The following GRM7 variants were observed in gnomAD, a reference collection of about 807,000 sequenced individuals.
GRM7 encodes the protein metabotropic glutamate receptor 7.
In GRM7, 35 loss-of-function variants were observed where a neutral mutation model predicts 84.5. That is an observed-to-expected ratio of 0.41 (90% CI 0.32 to 0.55). GRM7 has a LOEUF of 0.55. Among genes scored for constraint, GRM7 ranks in the 20% least tolerant of loss-of-function variants. GRM7 has a pLI of 0.19. For missense variants in GRM7, 1,003 were observed against 1,194.6 expected, an observed-to-expected ratio of 0.84 and a Z score of 2.36; for synonymous variants, 487 against 455.1, an observed-to-expected ratio of 1.07 and a Z score of -0.89.
intron 5 of GRM7, among the ~76,000 whole-genome samples, chr3:7,446,276 C>T (rs1490240531): frequency 6.6e-6 from 1 of 152,154 alleles, no homozygotes; most frequent in African/African-American, 2.4e-5. Context: ...TATTCACTCC[C>T]TTAAAACCAC....
chr3:6,954,976 A>G (rs1256678255), intron 1 of GRM7, among the ~76,000 whole-genome samples: 1 of 152,216 alleles, frequency 6.6e-6, no homozygotes, highest in East Asian at 1.9e-4. Context: ...GGTTAATAAT[A>G]TTCCCCTCCA....
At chr3:7,251,261 T>C (rs1397749952) in intron 2 of GRM7, among the ~76,000 whole-genome samples, 1 of 151,850 alleles carries the variant, frequency 6.6e-6, no homozygotes, top group African/African-American at 2.4e-5. Context: ...AGAATTTTAA[T>C]GCTTTCAATG....
intron 4 of GRM7, among the ~76,000 whole-genome samples, chr3:7,336,791 CA>C (rs1701437985): frequency 6.6e-6 from 1 of 151,562 alleles, no homozygotes; most frequent in Non-Finnish European, 1.5e-5. Context: ...ACCTCTTTCA[CA>C]ACAGCTGTAA....
intron 1 of GRM7, among the ~76,000 whole-genome samples, chr3:7,109,202 A>C (rs1692759582): frequency 6.6e-6 from 1 of 152,032 alleles, no homozygotes; most frequent in African/African-American, 2.4e-5. Context: ...CATTATGTCT[A>C]ATTGGAACCA....
chr3:7,389,230 G>T (rs760804560), intron 4 of GRM7, among the ~76,000 whole-genome samples: 10 of 152,100 alleles, frequency 6.6e-5, no homozygotes, highest in Non-Finnish European at 1.3e-4. Flanking sequence ...TTGCATTGTG[G>T]TCTGAAAAGA....
chr3:7,616,072 C>T (rs185111227), intron 8 of GRM7, among the ~76,000 whole-genome samples: 8 of 152,146 alleles, frequency 5.3e-5, no homozygotes, highest in African/African-American at 1.4e-4. Context: ...TAGCAGGCTA[C>T]TAGGAGAAGT....
intron 4 of GRM7, among the ~76,000 whole-genome samples, chr3:7,377,932 A>G (rs943157404): frequency 6.6e-6 from 1 of 152,186 alleles, no homozygotes; most frequent in African/African-American, 2.4e-5. Context: ...TATCTGTGGA[A>G]GCTGACACGG....
intron 7 of GRM7, among the ~76,000 whole-genome samples, chr3:7,527,325 T>G (rs147957123): frequency 5.7e-4 from 86 of 152,190 alleles, no homozygotes; most frequent in African/African-American, 1.9e-3. Context: ...GCTTTCAGCT[T>G]GAATGTTATT....
At chr3:7,661,813 A>AAAAAAAAAAAAAAAAAAAAAAAAAAC (rs1699463725) in intron 8 of GRM7, among the ~76,000 whole-genome samples, 1 of 146,030 alleles carries the variant, frequency 6.8e-6, no homozygotes. Context: ...AAAAAAAAAA[A>AAAAAAAAAAAAAAAAAAAAAAAAAAC]AAAAAAATGT....
At chr3:7,739,328 T>C (rs1559514437) in intron 9 of GRM7, among the ~76,000 whole-genome samples, 1 of 152,228 alleles carries the variant, frequency 6.6e-6, no homozygotes, top group African/African-American at 2.4e-5. Flanking sequence ...AAATTGTATA[T>C]GAATCCCTGC....
In GRM7 at chr3:7,384,804, G is replaced by A. The variant is rs560905370; in HGVS notation, c.1034-30219G>A. 7.9e-5 allele frequency among the ~76,000 whole-genome samples: 12 copies of A among 152,206 alleles called. No homozygotes were observed. In the South Asian group the frequency reaches 1.5e-3, roughly 18 times the overall value. The stretch of plus-strand genomic sequence containing the variant: ...CTCTACCTGGCTACAGAGAGATTGG[G>A]GAGCTTTTACAAGGGCATCTATCAG... On this transcript the variant is annotated intron_variant, in intron 4 of 9. Transcript: ENST00000357716.
At chr3:7,358,071 C>T (rs1447310758) in intron 4 of GRM7, among the ~76,000 whole-genome samples, 2 of 152,052 alleles carry the variant, frequency 1.3e-5, no homozygotes, top group East Asian at 1.9e-4. Flanking sequence ...TCCATTCCTC[C>T]TCCAACCCAT....
chr3:7,439,622 C>A (rs982592311), intron 5 of GRM7, among the ~76,000 whole-genome samples: 4 of 152,120 alleles, frequency 2.6e-5, no homozygotes, highest in Admixed American at 2.0e-4. Context: ...AGGAATAACC[C>A]CTGTATTATT....
chr3:7,656,352 C>T (rs374680230), intron 8 of GRM7, among the ~76,000 whole-genome samples: 228 of 151,838 alleles, frequency 1.5e-3, no homozygotes, highest in Non-Finnish European at 2.4e-3. Context: ...AAATATTAGC[C>T]GGGCATGGTG....
chr3:7,110,249 A>G (rs1415756007), intron 1 of GRM7, among the ~76,000 whole-genome samples: 1 of 152,114 alleles, frequency 6.6e-6, no homozygotes, highest in Non-Finnish European at 1.5e-5. Flanking sequence ...CAACCCAATC[A>G]CATTATATAA....
intron 1 of GRM7, among the ~76,000 whole-genome samples, chr3:7,126,864 A>T (rs907837249): frequency 1.1e-4 from 16 of 152,146 alleles, no homozygotes; most frequent in African/African-American, 3.4e-4. Flanking sequence ...TCTTTCTCAT[A>T]GCCAATGATC....
chr3:7,717,601 A>G (rs898248206), intron 9 of GRM7, among the ~76,000 whole-genome samples: 1 of 152,164 alleles, frequency 6.6e-6, no homozygotes, highest in Non-Finnish European at 1.5e-5. Context: ...CCAAAGATAA[A>G]TCAAACTCCT....
intron 1 of GRM7, among the ~76,000 whole-genome samples, chr3:7,032,193 T>C (rs943682066): frequency 6.6e-5 from 10 of 152,194 alleles, no homozygotes; most frequent in East Asian, 1.9e-4. Flanking sequence ...CTAAAATGTA[T>C]GTAGGCCTTC....
At chr3:7,282,755 A>G (rs1254009955) in intron 2 of GRM7, among the ~76,000 whole-genome samples, 1 of 152,164 alleles carries the variant, frequency 6.6e-6, no homozygotes, top group Non-Finnish European at 1.5e-5. Context: ...TGTTTAATAT[A>G]TTAAAGCTGT....
Sources: gnomAD v4.1 joint callset for allele counts (sites outside exome capture counted in the v4.1 genomes callset) on GRCh38, gnomAD v4.1.1 for gene constraint, MANE v1.5 for transcripts, NCBI Gene and HGNC (gene_info 2026-07-23, HGNC 2026-07-21) for gene names.